The following COL28A1 variants were observed in gnomAD, a reference collection of about 807,000 sequenced individuals.
COL28A1 encodes collagen alpha-1(XXVIII) chain.
A neutral mutation model predicts 150.2 loss-of-function variants in COL28A1; 161 were observed. The observed-to-expected ratio is 1.07, with a 90% confidence interval of 0.94 to 1.22. The LOEUF (loss-of-function observed/expected upper bound fraction) is 1.22, where lower values mean the gene tolerates loss of function less well. Ranked by LOEUF, COL28A1 falls within the 50% of genes most tolerant of loss-of-function variation. The probability of loss-of-function intolerance (pLI) is 0.00; values close to 1 mark genes in which losing one functional copy is unlikely to be tolerated. For synonymous variants in COL28A1, 552 were observed against 469.7 expected (o/e 1.18, Z -2.26); for missense variants, 1,617 against 1,388.3 (o/e 1.16, Z -2.62).
At chr7:7,413,494 C>G (rs868579370) in intron 27 of COL28A1, among the ~76,000 whole-genome samples, 2 of 152,130 alleles carry the variant, frequency 1.3e-5, no homozygotes, top group Non-Finnish European at 2.9e-5. Context: ...TAAGTACAGC[C>G]GCGCAACTAG....
chr7:7,391,850 C>T (rs1387092965), intron 27 of COL28A1, among the ~76,000 whole-genome samples: 3 of 150,394 alleles, frequency 2.0e-5, no homozygotes, highest in Non-Finnish European at 4.4e-5. Context: ...AATATCCCTC[C>T]ACCTCTTTAT....
At chr7:7,385,327 C>T (rs563795111) in intron 27 of COL28A1, among the ~76,000 whole-genome samples, 11 of 151,982 alleles carry the variant, frequency 7.2e-5, no homozygotes, top group Admixed American at 4.6e-4. Context: ...TACAGTTGGC[C>T]AGGGATAAGA....
chr7:7,440,050 T>C (rs1785649268), intron 21 of COL28A1, among the ~76,000 whole-genome samples: 1 of 152,186 alleles, frequency 6.6e-6, no homozygotes, highest in African/African-American at 2.4e-5. Context: ...ACGTTTGCAG[T>C]TTCTGTTTCC....
At chr7:7,505,720 G>C (rs1780772677) in intron 11 of COL28A1, among the ~76,000 whole-genome samples, 1 of 152,094 alleles carries the variant, frequency 6.6e-6, no homozygotes, top group Non-Finnish European at 1.5e-5. Flanking sequence ...TTTCTAATGA[G>C]CCATAAAATA....
At chr7:7,498,780 A>C (rs1399428655) in intron 11 of COL28A1, among the ~76,000 whole-genome samples, 1 of 152,162 alleles carries the variant, frequency 6.6e-6, no homozygotes, top group Non-Finnish European at 1.5e-5. Flanking sequence ...GCAGTGGCTG[A>C]TTCTGTTCCA....
intron 9 of COL28A1, among the ~76,000 whole-genome samples, chr7:7,510,141 T>A (rs1462592815): frequency 6.6e-6 from 1 of 152,218 alleles, no homozygotes; most frequent in Non-Finnish European, 1.5e-5. Flanking sequence ...CTTAATATAA[T>A]GAAAACTATT....
intron 3 of COL28A1, among the ~76,000 whole-genome samples, chr7:7,528,427 T>C (rs894669557): frequency 2.0e-5 from 3 of 152,194 alleles, no homozygotes; most frequent in African/African-American, 7.2e-5. Context: ...AATGTTTCTA[T>C]GGGGTTCTTA....
chr7:7,348,837 G>T, the COL28A1 span, among the ~76,000 whole-genome samples: 2 of 151,878 alleles, frequency 1.3e-5, no homozygotes, highest in Non-Finnish European at 2.9e-5. Context: ...TGAACTCCTG[G>T]GCTCAGGTGA....
At chr7:7,500,604 C>CA (rs1451322479) in intron 11 of COL28A1, among the ~76,000 whole-genome samples, 1 of 152,190 alleles carries the variant, frequency 6.6e-6, no homozygotes, top group Non-Finnish European at 1.5e-5. Flanking sequence ...TCCACACATG[C>CA]ATTCCTAATA....
At chr7:7,534,471 G>A (rs1053258187) in intron 1 of COL28A1, among the ~76,000 whole-genome samples, 1 of 152,100 alleles carries the variant, frequency 6.6e-6, no homozygotes, top group Non-Finnish European at 1.5e-5. Context: ...ATTTTCAAAG[G>A]GGAAAGGGAA....
At chr7:7,458,422 A>G (rs1327870696) in intron 15 of COL28A1, among the ~76,000 whole-genome samples, 4 of 152,136 alleles carry the variant, frequency 2.6e-5, no homozygotes, top group Non-Finnish European at 4.4e-5. Flanking sequence ...TGTCTCAAAA[A>G]AAAACAAAAC....
At chr7:7,421,704 G>A (rs1015545028) in intron 25 of COL28A1, among the ~76,000 whole-genome samples, 2 of 152,134 alleles carry the variant, frequency 1.3e-5, no homozygotes, top group Non-Finnish European at 2.9e-5. Context: ...GATAACCCAA[G>A]CCCTTAAAAG....
Position 7,506,079 on chromosome 7 carries a change from T to C in COL28A1, c.973-12A>G. The C allele has an allele frequency of 7.6e-7, 1 of 1,317,758 alleles. No homozygotes were observed. The highest frequency in any genetic ancestry group is 1.1e-6 in the Non-Finnish European group (1 of 909,596). 81.6% of individuals were successfully genotyped at this position (1,317,758 alleles called of 1,614,324 possible). ...GGTCCAGTAATTCCCTGCTCCAGGATGAAAACCAAGAATTAGTTCTGTGTA... is the reference window on the plus strand; with the variant it reads ...GGTCCAGTAATTCCCTGCTCCAGGACGAAAACCAAGAATTAGTTCTGTGTA... On this transcript the variant is annotated splice_polypyrimidine_tract_variant and intron_variant, in intron 10 of 34. Coordinates refer to ENST00000399429, the MANE Select transcript of COL28A1 (RefSeq NM_001037763.3).
chr7:7,366,284 G>GA (rs1473341195), intron 33 of COL28A1, among the ~76,000 whole-genome samples: 1 of 151,886 alleles, frequency 6.6e-6, no homozygotes, highest in Non-Finnish European at 1.5e-5. Context: ...AAATAGTTTT[G>GA]AAAAAAGACC....
In COL28A1 at chr7:7,391,907, C is replaced by CAACACACT. The variant is rs749960383; in HGVS notation, c.2137-10303_2137-10296dup. ...GCACATGAGATGGGTCTCCTGAATA[C>CAACACACT]AACACACTGATGGGTCTTGACTTGT... On this transcript the variant is annotated intron_variant, in intron 27 of 34. Coordinates refer to ENST00000399429, the MANE Select transcript of COL28A1 (RefSeq NM_001037763.3). Among the ~76,000 whole-genome samples, 151 of 149,616 alleles carry CAACACACT rather than the reference C, an allele frequency of 1.0e-3. 2 individuals carry two copies. Among genetic ancestry groups the CAACACACT allele is most frequent in the Admixed American group, 7.2e-3 (108 of 14,914 alleles).
At chr7:7,512,089 T>C (rs536493197) in intron 8 of COL28A1, among the ~76,000 whole-genome samples, 5 of 152,272 alleles carry the variant, frequency 3.3e-5, no homozygotes, top group African/African-American at 9.6e-5. Flanking sequence ...CTGGAAGACA[T>C]TATGTTTAGT....
At chr7:7,529,146 G>A (rs770117247) in intron 3 of COL28A1, among the ~76,000 whole-genome samples, 17 of 151,944 alleles carry the variant, frequency 1.1e-4, no homozygotes, top group Admixed American at 3.3e-4. Flanking sequence ...AAAATGAGCC[G>A]GGCATGGTGG....
intron 27 of COL28A1, among the ~76,000 whole-genome samples, chr7:7,387,104 G>T (rs1340344240): frequency 6.6e-6 from 1 of 152,066 alleles, no homozygotes. Context: ...CGACTTGGGG[G>T]TTAAAATTTC....
At chr7:7,412,298 C>G (rs915709984) in intron 27 of COL28A1, among the ~76,000 whole-genome samples, 4 of 152,094 alleles carry the variant, frequency 2.6e-5, no homozygotes, top group African/African-American at 9.7e-5. Flanking sequence ...TTCTAAAATT[C>G]TGTGTGGAAG....
Sources: gnomAD v4.1 joint callset for allele counts (sites outside exome capture counted in the v4.1 genomes callset) on GRCh38, gnomAD v4.1.1 for gene constraint, MANE v1.5 for transcripts, NCBI Gene and HGNC (gene_info 2026-07-23, HGNC 2026-07-21) for gene names.